The following SARAF variants were observed in gnomAD, a reference collection of about 807,000 sequenced individuals.
SARAF encodes the protein store-operated calcium entry-associated regulatory factor.
In SARAF, 23 loss-of-function variants were observed where a neutral mutation model predicts 39.7. The ratio of observed to expected loss-of-function variants is 0.58; its 90% CI spans 0.42 to 0.82. SARAF has a LOEUF of 0.82. Ranked by LOEUF, SARAF falls within the 40% of genes least tolerant of loss-of-function variation. SARAF has a pLI of 0.00. For synonymous variants in SARAF, 175 were observed against 168.5 expected (o/e 1.04, Z -0.30); for missense variants, 384 against 418.5 (o/e 0.92, Z 0.72).
chr8:30,066,651 G>A, intron 4 of SARAF, 126 bp downstream of exon 4: 6 of 1,192,750 alleles, frequency 5.0e-6, no homozygotes, highest in Non-Finnish European at 7.1e-6. Context: ...CCTTCCCAGA[G>A]AATCTTATTT....
intron 5 of SARAF, among the ~76,000 whole-genome samples, chr8:30,065,102 C>T (rs1801653925): frequency 6.6e-6 from 1 of 152,168 alleles, no homozygotes. Flanking sequence ...TAACCCACTG[C>T]AATACAGCAA....
Position 30,066,151 on chromosome 8 carries a change from T to A in SARAF, c.843-12A>T, listed in dbSNP as rs757445816. On this transcript the variant is annotated splice_polypyrimidine_tract_variant and intron_variant, in intron 4 of 5. Transcript: ENST00000256255. ...AGGGTGTTGCCGCTCTTTAAAGGGA[T>A]AAAAGTAGGTTAGGCATTTTTTTCT... 6.4e-7 allele frequency: 1 copy of A among 1,568,124 alleles called. No individual in the cohort carries two copies.
intron 1 of SARAF, among the ~76,000 whole-genome samples, chr8:30,081,703 T>G (rs1802100878): frequency 6.7e-6 from 1 of 149,412 alleles, no homozygotes; most frequent in East Asian, 2.0e-4. Flanking sequence ...CCATCTTTAC[T>G]TCGCAAAGCA....
intron 1 of SARAF, among the ~76,000 whole-genome samples, chr8:30,080,499 A>AT (rs1802073419): frequency 6.6e-6 from 1 of 152,230 alleles, no homozygotes; most frequent in Non-Finnish European, 1.5e-5. Context: ...TACACGGTGC[A>AT]TACCAATTTT....
rs1563359261 is a variant in SARAF at position 30,082,884 on chromosome 8, C to G, written c.66G>C (p.Leu22=). Residue 22 remains leucine (L), a synonymous_variant, in exon 1 of 6, where the codon CTG becomes CTC. Transcript: ENST00000256255. ...YCLLLGLHLF[L]LTAGPALGWN... is the part of the protein sequence containing the mutation. ...AGCCCAGGGCAGGGCCCGCGGTCAGCAGAAACAAATGCAAGCCGAGGAGCA... is the reference window on the plus strand; with the variant it reads ...AGCCCAGGGCAGGGCCCGCGGTCAGGAGAAACAAATGCAAGCCGAGGAGCA... 8 of 1,560,010 alleles carry G rather than the reference C, an allele frequency of 5.1e-6. No homozygotes were observed. Among genetic ancestry groups the G allele is most frequent in the Non-Finnish European group, 6.9e-6 (8 of 1,154,396 alleles).
intron 1 of SARAF, 154 bp downstream of exon 1, chr8:30,082,693 C>T (rs1471976134): frequency 7.0e-6 from 4 of 568,370 alleles, no homozygotes; most frequent in Non-Finnish European, 9.2e-6. Flanking sequence ...AGCAGTGGAA[C>T]CAGGGAGAGC....
intron 3 of SARAF, 102 bp from the exon 4 acceptor site, chr8:30,067,020 T>G (rs749686637): frequency 4.6e-5 from 54 of 1,164,628 alleles, no homozygotes; most frequent in Middle Eastern, 4.0e-4. Flanking sequence ...TACTGAATTA[T>G]TAATAATACT....
chr8:30,074,196 A>G, intron 1 of SARAF, 141 bp from the exon 2 acceptor site: 2 of 912,870 alleles, frequency 2.2e-6, no homozygotes, highest in Non-Finnish European at 3.2e-6. Context: ...CTATTTCTCA[A>G]AACTATCCCA....
chr8:30,081,488 G>A (rs1454066755), intron 1 of SARAF, among the ~76,000 whole-genome samples: 1 of 152,190 alleles, frequency 6.6e-6, no homozygotes, highest in East Asian at 1.9e-4. Context: ...AAAACGTACA[G>A]ACATTTAAAT....
Position 30,066,836 on chromosome 8 carries a change from TG to T in SARAF, c.782del (p.Pro261GlnfsTer13). On this transcript the variant is annotated frameshift_variant, in exon 4 of 6. Transcript: ENST00000256255. LOFTEE classifies it high-confidence loss of function. ...CAGTTCCCAAGCCTGTCCAGAACCC[TG>T]GTCCTGAATTTTCATATCCTTGTTG... ...TGQQGYENSG[P>X]GFWTGLGTGG... The T allele has an allele frequency of 6.2e-7, 1 of 1,614,184 alleles. No individual in the cohort carries two copies. Among genetic ancestry groups the T allele is most frequent in the South Asian group, 1.1e-5 (1 of 91,080 alleles).
At chr8:30,081,260 A>G (rs1041421908) in intron 1 of SARAF, among the ~76,000 whole-genome samples, 1 of 152,260 alleles carries the variant, frequency 6.6e-6, no homozygotes, top group Non-Finnish European at 1.5e-5. Flanking sequence ...ATAGTTTTAC[A>G]GCGTAGATAA....
At chr8:30,067,355 A>C (rs889097040) in intron 3 of SARAF, among the ~76,000 whole-genome samples, 1 of 152,220 alleles carries the variant, frequency 6.6e-6, no homozygotes, top group African/African-American at 2.4e-5. Context: ...GTCAGATCTC[A>C]AAGGGACCTA....
chr8:30,077,256 G>A (rs1218539275), intron 1 of SARAF, among the ~76,000 whole-genome samples: 1 of 151,432 alleles, frequency 6.6e-6, no homozygotes, highest in African/African-American at 2.4e-5. Context: ...AAGAGTTTAA[G>A]ACCAGCCTAA....
intron 5 of SARAF, among the ~76,000 whole-genome samples, chr8:30,064,901 T>C (rs1033090): frequency 0.074 from 11,205 of 151,998 alleles, 610 homozygotes; most frequent in African/African-American, 0.15. Context: ...CCAACTCCTT[T>C]TTTTCTTCCC....
chr8:30,078,846 G>A (rs1802034570), intron 1 of SARAF, among the ~76,000 whole-genome samples: 1 of 152,080 alleles, frequency 6.6e-6, no homozygotes, highest in Non-Finnish European at 1.5e-5. Flanking sequence ...TTACCAGATA[G>A]TAAAGGTTAC....
At chr8:30,074,179 G>A in intron 1 of SARAF, 124 bp from the exon 2 acceptor site, 1 of 1,047,684 alleles carries the variant, frequency 9.5e-7, no homozygotes, top group Non-Finnish European at 1.3e-6. Context: ...GCTAAGAGAG[G>A]ATGAATCTAT....
intron 2 of SARAF, 81 bp downstream of exon 2, chr8:30,073,796 C>T: frequency 7.6e-7 from 1 of 1,316,252 alleles, no homozygotes; most frequent in East Asian, 2.4e-5. Flanking sequence ...GGTGCACCCT[C>T]AAAAGACTGA....
intron 1 of SARAF, among the ~76,000 whole-genome samples, chr8:30,076,218 A>G (rs1238223825): frequency 2.0e-5 from 3 of 152,112 alleles, no homozygotes; most frequent in African/African-American, 7.2e-5. Flanking sequence ...CTGGCATAGT[A>G]AAGGGCATGG....
At position 30,066,010 on chromosome 8, in the gene SARAF, G is replaced by A; in HGVS notation, c.972C>T (p.Asp324=). The A allele has an allele frequency of 6.2e-7, 1 of 1,614,094 alleles. No homozygotes were observed. The highest frequency in any genetic ancestry group is 8.5e-7 in the Non-Finnish European group (1 of 1,180,018). ...SGSYSVCSNS[D]TKTRTASGYG... is the part of the protein sequence containing the mutation. ...TACCTGATGCAGTTCTGGTTTTCGTGTCTGAGTTTGAACATACCGAATAGC... is the reference window on the plus strand; with the variant it reads ...TACCTGATGCAGTTCTGGTTTTCGTATCTGAGTTTGAACATACCGAATAGC... The change falls in exon 5 of 6, where the codon GAC becomes GAT. Residue 324 remains aspartate, a synonymous_variant. Transcript: ENST00000256255.
Sources: gnomAD v4.1 joint callset for allele counts (sites outside exome capture counted in the v4.1 genomes callset) on GRCh38, gnomAD v4.1.1 for gene constraint, MANE v1.5 for transcripts, NCBI Gene and HGNC (gene_info 2026-07-23, HGNC 2026-07-21) for gene names.